B3GALT1: variants seen among roughly 807,000 people sequenced by gnomAD.
The protein encoded by B3GALT1 is beta-1,3-galactosyltransferase 1, also known as UDP-Gal:betaGlcNAc beta 1,3-galactosyltransferase, polypeptide 1.
Under a neutral mutation model 23.2 loss-of-function variants are expected in B3GALT1, and 10 were observed. That is an observed-to-expected ratio of 0.43 (90% CI 0.27 to 0.73). The LOEUF (loss-of-function observed/expected upper bound fraction) is 0.73, where lower values mean the gene tolerates loss of function less well. Ranked by LOEUF, B3GALT1 falls within the 30% of genes least tolerant of loss-of-function variation. The pLI, the probability that B3GALT1 is intolerant of heterozygous loss-of-function variation, is 0.21. For synonymous variants in B3GALT1, 156 were observed against 141.5 expected (o/e 1.10, Z -0.73); for missense variants, 299 against 405.4 (o/e 0.74, Z 2.25).
intron 2 of B3GALT1, among the ~76,000 whole-genome samples, chr2:167,610,910 C>CAAAA (rs67057122): frequency 0.011 from 968 of 91,018 alleles, 17 homozygotes; most frequent in Middle Eastern, 0.024. Context: ...TTTATTTGTA[C>CAAAA]AAAAAAAAAA....
intron 1 of B3GALT1, among the ~76,000 whole-genome samples, chr2:167,356,688 C>T (rs1371525290): frequency 6.6e-6 from 1 of 151,874 alleles, no homozygotes; most frequent in Non-Finnish European, 1.5e-5. Flanking sequence ...ATTTGCTTAA[C>T]CTTGGCTTCA....
intron 1 of B3GALT1, among the ~76,000 whole-genome samples, chr2:167,303,644 T>TACACACACACACACACACACAC (rs61323885): frequency 1.4e-5 from 2 of 144,906 alleles, no homozygotes; most frequent in African/African-American, 5.2e-5. Context: ...AACACACACA[T>TACACACACACACACACACACAC]ACACACACAC....
At chr2:167,299,043 A>G (rs1447352515) in intron 1 of B3GALT1, among the ~76,000 whole-genome samples, 2 of 152,206 alleles carry the variant, frequency 1.3e-5, no homozygotes, top group African/African-American at 4.8e-5. Flanking sequence ...GAAGAGACAT[A>G]TCATTCTCCT....
intron 4 of B3GALT1, among the ~76,000 whole-genome samples, chr2:167,865,919 G>A (rs544008441): frequency 4.6e-5 from 7 of 152,236 alleles, no homozygotes; most frequent in African/African-American, 1.2e-4. Context: ...AGCTCAGGAC[G>A]GTGTCTGAGA....
At chr2:167,447,132 G>T (rs547559380) in intron 1 of B3GALT1, among the ~76,000 whole-genome samples, 1 of 152,332 alleles carries the variant, frequency 6.6e-6, no homozygotes, top group South Asian at 2.1e-4. Context: ...GTCCACTCCA[G>T]ACCCTGTTTG....
chr2:167,567,659 T>C (rs1038258261), intron 2 of B3GALT1, among the ~76,000 whole-genome samples: 2 of 152,096 alleles, frequency 1.3e-5, no homozygotes, highest in Non-Finnish European at 2.9e-5. Context: ...CCCCCATACA[T>C]GCCAGCCTTC....
At position 167,871,158 on chromosome 2, in the gene B3GALT1, C is replaced by T. The variant is rs1458495490; in HGVS notation, c.*1138C>T. On this transcript the variant is annotated 3_prime_UTR_variant, in exon 5 of 5. Coordinates refer to ENST00000392690, the MANE Select transcript of B3GALT1 (RefSeq NM_020981.4). ...GATGGGGAAGGCCAGGTTCGGGTCCCGTTGATGCCACCATACTTATTGGGC... is the reference window on the plus strand; with the variant it reads ...GATGGGGAAGGCCAGGTTCGGGTCCTGTTGATGCCACCATACTTATTGGGC... 6.6e-6 allele frequency: 1 copy of T among 152,084 alleles called. No individual in the cohort carries two copies. Among genetic ancestry groups the T allele is most frequent in the Non-Finnish European group, 1.5e-5 (1 of 68,040 alleles). The allele number at this position is 152,084 out of a possible 1,614,324, so 9.4% of individuals were successfully genotyped here.
At chr2:167,524,856 A>T (rs1408767207) in intron 2 of B3GALT1, among the ~76,000 whole-genome samples, 1 of 152,184 alleles carries the variant, frequency 6.6e-6, no homozygotes, top group Non-Finnish European at 1.5e-5. Flanking sequence ...CATGTTTTAG[A>T]GACGTTTTCA....
intron 3 of B3GALT1, among the ~76,000 whole-genome samples, chr2:167,726,496 C>G (rs1202471973): frequency 6.6e-6 from 1 of 152,124 alleles, no homozygotes; most frequent in Non-Finnish European, 1.5e-5. Context: ...CATTTCCTGC[C>G]CCCAAAGTAT....
chr2:167,713,886 A>G, intron 3 of B3GALT1: 1 of 1,585,370 alleles, frequency 6.3e-7, no homozygotes, highest in Admixed American at 1.7e-5. Context: ...GAAGCTCCAA[A>G]CATGGTTCCT....
chr2:167,608,273 A>C (rs571255646), intron 2 of B3GALT1, among the ~76,000 whole-genome samples: 1 of 152,212 alleles, frequency 6.6e-6, no homozygotes, highest in Non-Finnish European at 1.5e-5. Flanking sequence ...TGCTTAGTAA[A>C]TAGGGAATCA....
chr2:167,397,771 G>A (rs750166845), intron 1 of B3GALT1, among the ~76,000 whole-genome samples: 6 of 152,052 alleles, frequency 3.9e-5, no homozygotes, highest in Admixed American at 6.6e-5. Flanking sequence ...TGAGTAGATC[G>A]GGCTAACCCT....
intron 3 of B3GALT1, among the ~76,000 whole-genome samples, chr2:167,817,535 A>G (rs1558989530): frequency 1.3e-5 from 2 of 152,084 alleles, no homozygotes; most frequent in African/African-American, 2.4e-5. Flanking sequence ...ACACTTACCC[A>G]TCACACAACA....
intron 3 of B3GALT1, among the ~76,000 whole-genome samples, chr2:167,708,529 C>T (rs186818117): frequency 1.2e-4 from 19 of 152,238 alleles, no homozygotes; most frequent in South Asian, 4.2e-4. Flanking sequence ...GGCACAGTGG[C>T]GCATGCCTGT....
chr2:167,548,374 A>C (rs539218934), intron 2 of B3GALT1, among the ~76,000 whole-genome samples: 5 of 152,288 alleles, frequency 3.3e-5, no homozygotes, highest in African/African-American at 1.2e-4. Context: ...TCTCTCATAA[A>C]TGCCTGAAGA....
At chr2:167,792,481 G>C (rs1688453800) in intron 3 of B3GALT1, among the ~76,000 whole-genome samples, 1 of 152,194 alleles carries the variant, frequency 6.6e-6, no homozygotes, top group South Asian at 2.1e-4. Context: ...GTAATCCATT[G>C]ACCAGAATGG....
At chr2:167,657,732 G>A (rs371279510) in intron 3 of B3GALT1, among the ~76,000 whole-genome samples, 72 of 151,984 alleles carry the variant, frequency 4.7e-4, no homozygotes, top group African/African-American at 1.7e-3. Flanking sequence ...AGGTTTTTTT[G>A]AACCCTTCCT....
intron 2 of B3GALT1, among the ~76,000 whole-genome samples, chr2:167,628,776 T>C (rs1685389506): frequency 6.6e-6 from 1 of 151,716 alleles, no homozygotes; most frequent in Non-Finnish European, 1.5e-5. Flanking sequence ...CTGTCAGGCT[T>C]CCATCTTCAT....
chr2:167,620,914 T>C (rs1452551438), intron 2 of B3GALT1, among the ~76,000 whole-genome samples: 3 of 151,966 alleles, frequency 2.0e-5, no homozygotes, highest in African/African-American at 7.2e-5. Context: ...TAAATGCAAA[T>C]TTTTTAACCT....
Sources: allele counts gnomAD v4.1 joint callset (sites outside exome capture counted in the v4.1 genomes callset), GRCh38; gene constraint gnomAD v4.1.1; transcripts MANE v1.5; gene names NCBI Gene and HGNC (gene_info 2026-07-23, HGNC 2026-07-21).